The following RALGAPB variants were observed in gnomAD, a reference collection of about 807,000 sequenced individuals.
RALGAPB encodes the protein Ral GTPase activating protein non-catalytic subunit beta, also known as ral GTPase-activating protein subunit beta.
A neutral mutation model predicts 161.1 loss-of-function variants in RALGAPB; 25 were observed. The observed-to-expected ratio is 0.16, with a 90% CI of 0.11 to 0.22. The LOEUF is 0.22. Among genes scored for constraint, RALGAPB ranks in the 10% least tolerant of loss-of-function variants. RALGAPB has a pLI of 1.00. For missense variants in RALGAPB, 1,391 were observed against 1,815.2 expected (o/e 0.77, Z 4.25); for synonymous variants, 629 against 626.1 (o/e 1.00, Z -0.07).
chr20:38,555,559 A>C (rs1254121288), intron 22 of RALGAPB, among the ~76,000 whole-genome samples: 1 of 152,216 alleles, frequency 6.6e-6, no homozygotes, highest in Non-Finnish European at 1.5e-5. Context: ...CTAGTGGAGA[A>C]AATTGAACAG....
At chr20:38,491,565 C>G (rs988803102) in intron 2 of RALGAPB, among the ~76,000 whole-genome samples, 1 of 152,144 alleles carries the variant, frequency 6.6e-6, no homozygotes, top group African/African-American at 2.4e-5. Flanking sequence ...ACCCGTTTGC[C>G]GGAGAACTCT....
In RALGAPB at chr20:38,497,525, A is replaced by T. The variant is rs752971737; in HGVS notation, c.553+9A>T. 9 of 1,294,812 alleles carry T rather than the reference A, an allele frequency of 7.0e-6. No individual in the cohort carries two copies. Among genetic ancestry groups the T allele is most frequent in the South Asian group, 5.9e-5 (4 of 67,878 alleles). 80.2% of individuals were successfully genotyped at this position (1,294,812 alleles called of 1,614,324 possible). A position where few individuals can be genotyped will look rare whatever the true frequency, so the allele number is the denominator to read the frequency against. Reference sequence around the variant, plus strand: ...CCCACCAACTGTTCAAGGTTTGTTTATTTTTTTTTTTCTAATTTATTTCTG... The same window carrying T: ...CCCACCAACTGTTCAAGGTTTGTTTTTTTTTTTTTTTCTAATTTATTTCTG... On this transcript the variant is annotated intron_variant, in intron 4 of 29. Transcript: ENST00000262879.
intron 7 of RALGAPB, 49 bp downstream of exon 7, chr20:38,516,419 ACT>A (rs1439662703): frequency 6.6e-7 from 1 of 1,524,974 alleles, no homozygotes; most frequent in Non-Finnish European, 9.0e-7. Context: ...CATTTAGATA[ACT>A]CTAGAGGCTA....
chr20:38,517,976 A>G lies in RALGAPB; in HGVS notation c.1393A>G (p.Ile465Val). ...AFVHCKLHNG[I>V]NRDSSMTAIT... ...TGTTCACTGTAAACTTCATAATGGG[A>G]TAAACAGAGACAGCAGCATGACTGG... Residue 465 changes from isoleucine (I) to valine (V), a missense_variant, in exon 9 of 30, where the codon ATA becomes GTA. Physicochemically the swap from Ile to Val is conservative, Grantham distance 29. Transcript: ENST00000262879. 2.5e-6 allele frequency: 4 copies of G among 1,610,180 alleles called. No homozygotes were observed. Among genetic ancestry groups the G allele is most frequent in the Non-Finnish European group, 2.6e-6 (3 of 1,176,336 alleles).
Position 38,525,933 on chromosome 20 carries a change from T to G in RALGAPB, c.1941T>G (p.Ser647=). 1 of 1,613,852 alleles carries G rather than the reference T, an allele frequency of 6.2e-7. No homozygotes were observed. Among genetic ancestry groups the G allele is most frequent in the South Asian group, 1.1e-5 (1 of 91,014 alleles). The change falls in exon 13 of 30, where the codon TCT becomes TCG. Residue 647 remains serine, a synonymous_variant. Coordinates refer to ENST00000262879, the MANE Select transcript of RALGAPB (RefSeq NM_020336.4). Reference sequence around the variant, plus strand: ...GAAAGTTTAGTAACGATGACAGCTCTTCTTATGATAAACCAATAACTTTTC... The same window carrying G: ...GAAAGTTTAGTAACGATGACAGCTCGTCTTATGATAAACCAATAACTTTTC... ...LEGKFSNDDS[S]SYDKPITFLS... is the part of the protein sequence containing the mutation.
At chr20:38,528,034 A>G (rs1333228851) in intron 13 of RALGAPB, among the ~76,000 whole-genome samples, 1 of 152,246 alleles carries the variant, frequency 6.6e-6, no homozygotes, top group African/African-American at 2.4e-5. Context: ...GCAGATGTCA[A>G]CAAGCCCCAG....
intron 23 of RALGAPB, among the ~76,000 whole-genome samples, chr20:38,559,123 T>G (rs1028607139): frequency 6.6e-6 from 1 of 152,238 alleles, no homozygotes; most frequent in Non-Finnish European, 1.5e-5. Flanking sequence ...TAGGATATCT[T>G]TCTTCCCCTT....
intron 3 of RALGAPB, among the ~76,000 whole-genome samples, chr20:38,496,213 T>C (rs1241846444): frequency 2.6e-5 from 4 of 152,086 alleles, no homozygotes; most frequent in Admixed American, 2.6e-4. Context: ...AGGTCTGACT[T>C]CTTTAGGGAA....
intron 3 of RALGAPB, 58 bp from the exon 4 acceptor site, chr20:38,497,295 T>G: frequency 1.3e-6 from 2 of 1,532,760 alleles, no homozygotes; most frequent in East Asian, 2.3e-5. Context: ...TCACCTGTCC[T>G]GAAGCTGTTG....
In RALGAPB at chr20:38,536,893, A is replaced by G. The variant is rs368318838; in HGVS notation, c.2379+1686A>G. Among the ~76,000 whole-genome samples the G allele has an allele frequency of 2.0e-3, 301 of 152,336 alleles. 4 individuals are homozygous for G. Among genetic ancestry groups the G allele is most frequent in the African/African-American group, 6.7e-3 (278 of 41,586 alleles). On this transcript the variant is annotated intron_variant, in intron 16 of 29. Coordinates refer to ENST00000262879, the MANE Select transcript of RALGAPB (RefSeq NM_020336.4). ...ACCTCAAAGATCCTCCAGGATGGAC[A>G]TCATAACTTTGCGAGAAGCAGTTAC...
At chr20:38,572,572 A>G (rs1465423575) in intron 28 of RALGAPB, among the ~76,000 whole-genome samples, 1 of 152,246 alleles carries the variant, frequency 6.6e-6, no homozygotes, top group Non-Finnish European at 1.5e-5. Flanking sequence ...CAAATTGCAT[A>G]TAAGATGAAT....
intron 6 of RALGAPB, among the ~76,000 whole-genome samples, chr20:38,511,321 CT>C (rs796611204): frequency 0.02 from 2,697 of 135,244 alleles, 47 homozygotes; most frequent in Middle Eastern, 0.064. Context: ...GTCTGCCTTT[CT>C]TTTTTTTTTT....
At chr20:38,490,234 A>G (rs2085239329) in intron 2 of RALGAPB, among the ~76,000 whole-genome samples, 1 of 151,792 alleles carries the variant, frequency 6.6e-6, no homozygotes, top group Non-Finnish European at 1.5e-5. Flanking sequence ...TTTGAGACGG[A>G]GTCTCGCTCT....
intron 9 of RALGAPB, among the ~76,000 whole-genome samples, chr20:38,518,429 T>C (rs1055400463): frequency 6.6e-6 from 1 of 152,198 alleles, no homozygotes; most frequent in Non-Finnish European, 1.5e-5. Flanking sequence ...AATTTTTGCT[T>C]CACACTACAC....
At position 38,525,934 on chromosome 20, in the gene RALGAPB, T is replaced by A; in HGVS notation, c.1942T>A (p.Ser648Thr). 6.2e-7 allele frequency: 1 copy of A among 1,613,876 alleles called. No homozygotes were observed. Among genetic ancestry groups the A allele is most frequent in the Non-Finnish European group, 8.5e-7 (1 of 1,179,786 alleles). ...EGKFSNDDSS[S>T]YDKPITFLSL... ...AAAGTTTAGTAACGATGACAGCTCT[T>A]CTTATGATAAACCAATAACTTTTCT... The change falls in exon 13 of 30, where the codon TCT (serine) becomes ACT (threonine). Residue 648 changes from serine to threonine, a missense_variant. Physicochemically the swap from Ser to Thr is moderately conservative, Grantham distance 58. Around this residue, in one of 3 missense-constraint regions of RALGAPB, gnomAD observed 946 missense variants for 1,257.2 expected, o/e 0.75. Transcript: ENST00000262879.
chr20:38,553,957 C>G lies in RALGAPB; in HGVS notation c.3253C>G (p.Gln1085Glu). 3.1e-6 allele frequency: 5 copies of G among 1,613,328 alleles called. No individual in the cohort carries two copies. The highest frequency in any genetic ancestry group is 4.2e-6 in the Non-Finnish European group (5 of 1,179,480). ...TGAGCAACAGAGTGAGGAGGAATTG[C>G]AGAAGAGAAGTTTTCCTGACCCAGT... ...HLEQQSEEEL[Q>E]KRSFPDPVTD... is the part of the protein sequence containing the mutation. Residue 1085 changes from glutamine (Q) to glutamate (E), a missense_variant, in exon 22 of 30, where the codon CAG becomes GAG. Around this residue, in one of 3 missense-constraint regions of RALGAPB, gnomAD observed 436 missense variants for 527.0 expected, o/e 0.83. Coordinates refer to ENST00000262879, the MANE Select transcript of RALGAPB (RefSeq NM_020336.4).
At chr20:38,501,483 G>T (rs550525519) in intron 5 of RALGAPB, among the ~76,000 whole-genome samples, 1 of 152,252 alleles carries the variant, frequency 6.6e-6, no homozygotes, top group East Asian at 1.9e-4. Flanking sequence ...TGCGCCTGTA[G>T]AACACACCTC....
intron 28 of RALGAPB, 35 bp downstream of exon 28, chr20:38,570,882 C>G (rs931061635): frequency 4.5e-6 from 6 of 1,345,302 alleles, no homozygotes; most frequent in Non-Finnish European, 5.3e-6. Flanking sequence ...ATCAGCGTGT[C>G]TTTTTTTAAC....
chr20:38,504,471 A>G (rs1182864870), intron 5 of RALGAPB, among the ~76,000 whole-genome samples: 4 of 152,228 alleles, frequency 2.6e-5, no homozygotes, highest in African/African-American at 9.6e-5. Flanking sequence ...ACCTCAAGCT[A>G]TAAGAATACT....
Sources: allele counts gnomAD v4.1 joint callset (sites outside exome capture counted in the v4.1 genomes callset), GRCh38; gene constraint gnomAD v4.1.1; regional missense constraint gnomAD v4.1.1; transcripts MANE v1.5; gene names NCBI Gene and HGNC (gene_info 2026-07-23, HGNC 2026-07-21).